Variants in MARF1 observed in about 807,000 individuals in gnomAD.
MARF1 encodes the protein limkain-b1.
MARF1 carries 24 observed loss-of-function variants against 168.2 expected under a neutral mutation model. The ratio of observed to expected loss-of-function variants is 0.14; its 90% confidence interval spans 0.10 to 0.20. The LOEUF is 0.20. Ranked by LOEUF, MARF1 falls within the 10% of genes least tolerant of loss-of-function variation. The pLI is 1.00. For missense variants in MARF1, 1,744 were observed against 2,143.6 expected, an observed-to-expected ratio of 0.81 and a Z score of 3.68; for synonymous variants, 868 against 822.4, an observed-to-expected ratio of 1.06 and a Z score of -0.95.
In MARF1 at chr16:15,621,900, A is replaced by G. The variant is rs751156642; in HGVS notation, c.2472T>C (p.Val824=). ...AFARHGKVKS[V]ELSPHTDYQL... is the part of the protein sequence containing the mutation. ...GATAATCTGTATGGGGGCTGAGCTCAACACTCTTCACCTACAACAGGAAAA... is the reference window on the plus strand; with the variant it reads ...GATAATCTGTATGGGGGCTGAGCTCGACACTCTTCACCTACAACAGGAAAA... Residue 824 remains valine, a synonymous_variant, in exon 12 of 27, where the codon GTT becomes GTC. Coordinates refer to ENST00000396368, the MANE Select transcript of MARF1 (RefSeq NM_014647.4). The G allele has an allele frequency of 1.2e-6, 2 of 1,613,534 alleles. No individual in the cohort carries two copies. The highest frequency in any genetic ancestry group is 1.7e-5 in the Admixed American group (1 of 59,894).
intron 7 of MARF1, among the ~76,000 whole-genome samples, chr16:15,629,598 G>A (rs563730083): frequency 6.6e-6 from 1 of 152,298 alleles, no homozygotes; most frequent in East Asian, 1.9e-4. Context: ...TAACGTATGG[G>A]ATTGCCCACT....
At chr16:15,609,397 T>C (rs1358041075) in intron 20 of MARF1, 126 bp downstream of exon 20, 16 of 721,644 alleles carry the variant, frequency 2.2e-5, no homozygotes, top group Admixed American at 1.2e-4. Flanking sequence ...CTGACTGGAA[T>C]AGCTTAGATT....
intron 7 of MARF1, among the ~76,000 whole-genome samples, chr16:15,628,281 G>A (rs1029867064): frequency 1.3e-5 from 2 of 151,998 alleles, no homozygotes; most frequent in Non-Finnish European, 2.9e-5. Context: ...TAAATCTGGA[G>A]GGCAATACCA....
intron 18 of MARF1, 87 bp from the exon 19 acceptor site, chr16:15,611,195 A>C: frequency 2.3e-5 from 30 of 1,326,954 alleles, no homozygotes; most frequent in Non-Finnish European, 3.1e-5. Context: ...GCTGGGGCTC[A>C]CGCCTGTAAT....
intron 22 of MARF1, among the ~76,000 whole-genome samples, chr16:15,603,078 A>C (rs1171136719): frequency 6.6e-6 from 1 of 152,224 alleles, no homozygotes; most frequent in Non-Finnish European, 1.5e-5. Context: ...ATATGCATTA[A>C]CACCTGTCCA....
intron 10 of MARF1, 103 bp from the exon 11 acceptor site, chr16:15,623,226 C>A: frequency 2.7e-6 from 2 of 730,204 alleles, no homozygotes; most frequent in Non-Finnish European, 3.9e-6. Flanking sequence ...AGCAGATTTT[C>A]CACAACACAA....
chr16:15,631,086 C>T (rs1217624467), intron 6 of MARF1, among the ~76,000 whole-genome samples: 9 of 152,086 alleles, frequency 5.9e-5, no homozygotes, highest in Admixed American at 1.3e-4. Flanking sequence ...GCCGAGATTG[C>T]GCCATCGCAC....
At chr16:15,627,614 ATTTT>A (rs2034962263) in intron 7 of MARF1, among the ~76,000 whole-genome samples, 1 of 151,992 alleles carries the variant, frequency 6.6e-6, no homozygotes, top group Non-Finnish European at 1.5e-5. Context: ...TCTCAAAAAA[ATTTT>A]TTTTAAATAA....
intron 1 of MARF1, among the ~76,000 whole-genome samples, chr16:15,642,125 T>C (rs1161363216): frequency 6.6e-6 from 1 of 152,182 alleles, no homozygotes; most frequent in Non-Finnish European, 1.5e-5. Context: ...TTGGATTACA[T>C]GAGGTAATCC....
At chr16:15,633,402 C>A (rs944273022) in intron 5 of MARF1, among the ~76,000 whole-genome samples, 1 of 151,876 alleles carries the variant, frequency 6.6e-6, no homozygotes, top group Admixed American at 6.6e-5. Flanking sequence ...AAAAATGAGC[C>A]GAGCATGATG....
Position 15,625,113 on chromosome 16 carries a change from G to C in MARF1, c.2014C>G (p.Leu672Val). Residue 672 changes from leucine (L) to valine (V), a missense_variant, in exon 9 of 27, where the codon CTG becomes GTG. Transcript: ENST00000396368. ...CCGTGAGTGGGTACGACCAGCCTCAGGTGACCTTGCTGGTGCTCACTGTTT... is the reference window on the plus strand; with the variant it reads ...CCGTGAGTGGGTACGACCAGCCTCACGTGACCTTGCTGGTGCTCACTGTTT... ...HRNSEHQQGH[L>V]RLVVPTHGNS... 1.9e-6 allele frequency: 3 copies of C among 1,614,134 alleles called. No individual in the cohort carries two copies. The highest frequency in any genetic ancestry group is 1.7e-6 in the Non-Finnish European group (2 of 1,180,016).
Position 15,612,670 on chromosome 16 carries a change from T to C in MARF1, c.3361A>G (p.Ile1121Val), listed in dbSNP as rs1567548265. ...LKSQPSCVIP[I>V]SHFIPSYHHH... ...TGATAGGATGGGATGAAATGACTGA[T>C]GGGTATGACACAAGATGGCTGGCTT... Residue 1121 changes from isoleucine (I) to valine (V), a missense_variant, in exon 17 of 27, where the codon ATC becomes GTC. Coordinates refer to ENST00000396368, the MANE Select transcript of MARF1 (RefSeq NM_014647.4). 2 of 1,614,036 alleles carry C rather than the reference T, an allele frequency of 1.2e-6. No homozygotes were observed. Among genetic ancestry groups the C allele is most frequent in the Non-Finnish European group, 1.7e-6 (2 of 1,180,012 alleles).
intron 2 of MARF1, among the ~76,000 whole-genome samples, chr16:15,638,782 CCT>C (rs1213723749): frequency 6.6e-6 from 1 of 152,128 alleles, no homozygotes; most frequent in Non-Finnish European, 1.5e-5. Context: ...TTTGTATTTT[CCT>C]CTGATTTTAC....
chr16:15,615,383 T>C (rs1456580083), intron 16 of MARF1, among the ~76,000 whole-genome samples: 1 of 152,112 alleles, frequency 6.6e-6, no homozygotes, highest in Non-Finnish European at 1.5e-5. Context: ...CCCAGCACTT[T>C]GGGAGGCGGA....
At chr16:15,612,829 AAAG>A (rs1312416416) in intron 16 of MARF1, 52 bp from the exon 17 acceptor site, 2 of 1,510,088 alleles carry the variant, frequency 1.3e-6, no homozygotes, top group Non-Finnish European at 1.8e-6. Flanking sequence ...TCACCAGCTG[AAAG>A]AAGGGAAAAT....
rs1388476446 is a variant in MARF1 at position 15,625,522 on chromosome 16, T to G, written c.1803A>C (p.Lys601Asn). ...TCTTAAGTTTTTTGGGAGACTTCAC[T>G]TTATCAGCAATTGCATTTGAACTCT... ...ETKSSNAIADKVKSPKKLKNP... is the reference protein window; with the variant it reads ...ETKSSNAIADNVKSPKKLKNP... The change falls in exon 8 of 27, where the codon AAA (lysine) becomes AAC (asparagine). Residue 601 changes from lysine to asparagine, a missense_variant. Physicochemically the swap from Lys to Asn is moderately conservative, Grantham distance 94. Transcript: ENST00000396368. 6.8e-6 allele frequency: 11 copies of G among 1,614,212 alleles called. No homozygotes were observed. The highest frequency in any genetic ancestry group is 7.6e-6 in the Non-Finnish European group (9 of 1,180,032).
Position 15,636,348 on chromosome 16 carries a change from A to T in MARF1, c.145-6T>A. 1 of 1,525,118 alleles carries T rather than the reference A, an allele frequency of 6.6e-7. No individual in the cohort carries two copies. 94.5% of individuals were successfully genotyped at this position (1,525,118 alleles called of 1,614,324 possible). ...TTGTTCTCCATGTACTCTTTCTGAG[A>T]AAAGAAAATCAGAACATAAATTAAT... On this transcript the variant is annotated splice_polypyrimidine_tract_variant and splice_region_variant and intron_variant, in intron 2 of 26. Coordinates refer to ENST00000396368, the MANE Select transcript of MARF1 (RefSeq NM_014647.4).
intron 17 of MARF1, 45 bp from the exon 18 acceptor site, chr16:15,611,779 C>T (rs1414831544): frequency 6.5e-7 from 1 of 1,544,870 alleles, no homozygotes; most frequent in Non-Finnish European, 8.9e-7. Flanking sequence ...CCTCAGCAGA[C>T]AGCGACTTCC....
At chr16:15,623,184 T>A in intron 10 of MARF1, 61 bp from the exon 11 acceptor site, 1 of 1,310,924 alleles carries the variant, frequency 7.6e-7, no homozygotes. Context: ...TTAGATTTTA[T>A]CATTTAGGCT....
Sources: allele counts gnomAD v4.1 joint callset (sites outside exome capture counted in the v4.1 genomes callset), GRCh38; gene constraint gnomAD v4.1.1; transcripts MANE v1.5; gene names NCBI Gene and HGNC (gene_info 2026-07-23, HGNC 2026-07-21).